The following PLEKHA8 variants were observed in gnomAD, a reference collection of about 807,000 sequenced individuals.
PLEKHA8 encodes pleckstrin homology domain-containing family A member 8.
A neutral mutation model predicts 68.2 loss-of-function variants in PLEKHA8; 36 were observed. That is an observed-to-expected ratio of 0.53 (90% CI 0.40 to 0.70). PLEKHA8 has a LOEUF of 0.70. Ranked by LOEUF, PLEKHA8 falls within the 30% of genes least tolerant of loss-of-function variation. The pLI, the probability that PLEKHA8 is intolerant of heterozygous loss-of-function variation, is 0.00. For missense variants in PLEKHA8, 505 were observed against 615.4 expected (o/e 0.82, Z 1.90); for synonymous variants, 211 against 216.1 (o/e 0.98, Z 0.20).
At chr7:30,115,835 C>T (rs1796467795) in intron 13 of PLEKHA8, 1 of 147,256 alleles carries the variant, frequency 6.8e-6, no homozygotes, top group Admixed American at 6.7e-5. Context: ...CGTGCACATA[C>T]ATGTATACAC....
chr7:30,096,132 C>T (rs1414052613), intron 13 of PLEKHA8, among the ~76,000 whole-genome samples: 2 of 152,124 alleles, frequency 1.3e-5, no homozygotes, highest in Non-Finnish European at 2.9e-5. Context: ...GCCATTTTCA[C>T]GATATTGATT....
intron 1 of PLEKHA8, among the ~76,000 whole-genome samples, chr7:30,037,940 TC>T (rs1455387225): frequency 6.6e-6 from 1 of 152,098 alleles, no homozygotes; most frequent in African/African-American, 2.4e-5. Flanking sequence ...ATCCTCTTCC[TC>T]CCCCAACCCC....
chr7:30,078,118 G>T (rs1794724070), intron 13 of PLEKHA8, among the ~76,000 whole-genome samples: 1 of 152,154 alleles, frequency 6.6e-6, no homozygotes, highest in African/African-American at 2.4e-5. Context: ...GCAAAGGAAA[G>T]ATTATTCTTA....
chr7:30,049,516 T>C, intron 5 of PLEKHA8, 134 bp downstream of exon 5: 2 of 1,165,226 alleles, frequency 1.7e-6, no homozygotes, highest in Non-Finnish European at 2.4e-6. Context: ...TACGTCCTTT[T>C]TTTATATCTG....
intron 13 of PLEKHA8, among the ~76,000 whole-genome samples, chr7:30,125,049 T>C (rs1796751194): frequency 6.6e-6 from 1 of 152,154 alleles, no homozygotes; most frequent in Non-Finnish European, 1.5e-5. Flanking sequence ...TTCCCTATTT[T>C]TAAATGTACA....
At chr7:30,052,049 A>G (rs1019102984) in intron 6 of PLEKHA8, among the ~76,000 whole-genome samples, 2 of 152,052 alleles carry the variant, frequency 1.3e-5, no homozygotes, top group Non-Finnish European at 2.9e-5. Flanking sequence ...AGAGAGAGAG[A>G]AGAAGCCCCC....
intron 13 of PLEKHA8, among the ~76,000 whole-genome samples, chr7:30,121,357 A>T (rs1353156639): frequency 6.6e-6 from 1 of 152,142 alleles, no homozygotes; most frequent in African/African-American, 2.4e-5. Flanking sequence ...GGCTGGGCAC[A>T]GTGGCTCCCA....
At chr7:30,096,617 A>G (rs1467750190) in intron 13 of PLEKHA8, among the ~76,000 whole-genome samples, 1 of 152,136 alleles carries the variant, frequency 6.6e-6, no homozygotes, top group African/African-American at 2.4e-5. Flanking sequence ...TTGTTGGTTT[A>G]AAGTCTGTTT....
downstream of PLEKHA8, among the ~76,000 whole-genome samples, chr7:30,092,223 C>T (rs1317311047): frequency 6.6e-6 from 1 of 152,166 alleles, no homozygotes; most frequent in African/African-American, 2.4e-5. Context: ...TGCACAGTGT[C>T]TAGCACCAGG....
chr7:30,109,829 G>T (rs960035806), intron 13 of PLEKHA8, among the ~76,000 whole-genome samples: 8 of 151,534 alleles, frequency 5.3e-5, no homozygotes, highest in Non-Finnish European at 1.2e-4. Context: ...GCACCACCAT[G>T]CCTGGCTAAT....
At chr7:30,043,006 T>TTTTG (rs139576666) in intron 1 of PLEKHA8, among the ~76,000 whole-genome samples, 1 of 151,762 alleles carries the variant, frequency 6.6e-6, no homozygotes, top group African/African-American at 2.4e-5. Flanking sequence ...GCATCACCTT[T>TTTTG]TTTGTTTGTT....
chr7:30,080,742 T>C lies in PLEKHA8; in HGVS notation c.*1955T>C, dbSNP rs1583446206. The C allele has an allele frequency of 2.4e-5, 24 of 985,324 alleles. No individual in the cohort carries two copies. The highest frequency in any genetic ancestry group is 2.9e-5 in the Non-Finnish European group (24 of 829,892). 61.0% of individuals were successfully genotyped at this position (985,324 alleles called of 1,614,324 possible). On this transcript the variant is annotated 3_prime_UTR_variant, in exon 14 of 14. Coordinates refer to ENST00000449726, the MANE Select transcript of PLEKHA8 (RefSeq NM_001197026.2). ...TGTGTGTGTTATTTCCCTCCCACTC[T>C]CATGAGCAGTGAGTATAGATCTCCT...
intron 1 of PLEKHA8, among the ~76,000 whole-genome samples, 159 bp from the exon 2 acceptor site, chr7:30,044,926 C>T (rs1189908845): frequency 6.6e-6 from 1 of 152,158 alleles, no homozygotes. Flanking sequence ...ATAAAACATA[C>T]AGGTCTTTCT....
intron 1 of PLEKHA8, among the ~76,000 whole-genome samples, chr7:30,037,604 C>G (rs964904708): frequency 6.6e-6 from 1 of 152,148 alleles, no homozygotes; most frequent in African/African-American, 2.4e-5. Context: ...GGGACTTAAC[C>G]TTTTCTTTCT....
At chr7:30,065,236 A>C (rs1583418302) in intron 12 of PLEKHA8, among the ~76,000 whole-genome samples, 1 of 152,292 alleles carries the variant, frequency 6.6e-6, no homozygotes, top group East Asian at 1.9e-4. Flanking sequence ...TTTTCAATGG[A>C]AAAGAGAAGG....
chr7:30,044,555 G>A (rs185657284), intron 1 of PLEKHA8, among the ~76,000 whole-genome samples: 62 of 152,282 alleles, frequency 4.1e-4, no homozygotes, highest in Middle Eastern at 3.4e-3. Flanking sequence ...CTTTTCCTAA[G>A]GGTCATAGGA....
intron 1 of PLEKHA8, among the ~76,000 whole-genome samples, chr7:30,029,237 G>C (rs1025332061): frequency 1.3e-5 from 2 of 152,222 alleles, no homozygotes; most frequent in African/African-American, 4.8e-5. Flanking sequence ...ACAGCGGAAA[G>C]ATCCTTTATC....
chr7:30,042,139 C>T (rs950018111), intron 1 of PLEKHA8, among the ~76,000 whole-genome samples: 1 of 152,176 alleles, frequency 6.6e-6, no homozygotes, highest in Non-Finnish European at 1.5e-5. Flanking sequence ...TGAGCTGAGA[C>T]ATTGGCCTTT....
chr7:30,055,338 A>G lies in PLEKHA8; in HGVS notation c.1035A>G (p.Val345=). 1.9e-6 allele frequency: 3 copies of G among 1,613,590 alleles called. No homozygotes were observed. The highest frequency in any genetic ancestry group is 2.5e-6 in the Non-Finnish European group (3 of 1,179,494). ...CATCATGTTATGCTGTGGTTCCAGTATTAGGTAAGATTCCTGCAGTTGCCT... is the reference window on the plus strand; with the variant it reads ...CATCATGTTATGCTGTGGTTCCAGTGTTAGGTAAGATTCCTGCAGTTGCCT... ...FLASCYAVVP[V]LDKLGPTVFA... is the part of the protein sequence containing the mutation. The change falls in exon 9 of 14, where the codon GTA becomes GTG. Residue 345 remains valine (V), a synonymous_variant. Coordinates refer to ENST00000449726, the MANE Select transcript of PLEKHA8 (RefSeq NM_001197026.2).
Sources: gnomAD v4.1 joint callset for allele counts (sites outside exome capture counted in the v4.1 genomes callset) on GRCh38, gnomAD v4.1.1 for gene constraint, MANE v1.5 for transcripts, NCBI Gene and HGNC (gene_info 2026-07-23, HGNC 2026-07-21) for gene names.